The following SRGAP3 variants were observed in gnomAD, a reference collection of about 807,000 sequenced individuals.
SRGAP3 encodes SLIT-ROBO Rho GTPase-activating protein 3.
Under a neutral mutation model 121.1 loss-of-function variants are expected in SRGAP3, and 39 were observed. The observed-to-expected ratio is 0.32, with a 90% confidence interval of 0.25 to 0.42. The LOEUF is 0.42. Among genes scored for constraint, SRGAP3 ranks in the 10% least tolerant of loss-of-function variants. The pLI is 1.00. For missense variants in SRGAP3, 1,213 were observed against 1,470.6 expected, an observed-to-expected ratio of 0.82 and a Z score of 2.86; for synonymous variants, 601 against 570.0, an observed-to-expected ratio of 1.05 and a Z score of -0.77.
At chr3:9,057,076 TG>T (rs1308646879) in intron 7 of SRGAP3, among the ~76,000 whole-genome samples, 6 of 152,180 alleles carry the variant, frequency 3.9e-5, no homozygotes, top group African/African-American at 7.2e-5. Context: ...TTTGTTTGTT[TG>T]TTTTTTGTTG....
chr3:9,131,855 C>T (rs1575120365), intron 1 of SRGAP3, among the ~76,000 whole-genome samples: 1 of 152,146 alleles, frequency 6.6e-6, no homozygotes, highest in Non-Finnish European at 1.5e-5. Flanking sequence ...CCAAACTCCT[C>T]TGACATTCAA....
At chr3:9,199,275 T>C (rs1489660847) in intron 1 of SRGAP3, among the ~76,000 whole-genome samples, 1 of 152,246 alleles carries the variant, frequency 6.6e-6, no homozygotes, top group Non-Finnish European at 1.5e-5. Context: ...AGCTGAAAGT[T>C]CTTCTCACTT....
chr3:9,318,532 G>A (rs1374376748), intron 3 of SRGAP3, among the ~76,000 whole-genome samples: 26 of 151,538 alleles, frequency 1.7e-4, no homozygotes, highest in Admixed American at 1.7e-3. Context: ...ACTTATTTTG[G>A]CCACATGCAG....
At chr3:9,089,682 G>A (rs1239452524) in intron 3 of SRGAP3, among the ~76,000 whole-genome samples, 1 of 152,122 alleles carries the variant, frequency 6.6e-6, no homozygotes, top group Non-Finnish European at 1.5e-5. Context: ...ACCAGACATG[G>A]TCATGTCTTG....
chr3:9,013,696 C>T, intron 16 of SRGAP3, 41 bp downstream of exon 16: 1 of 1,607,206 alleles, frequency 6.2e-7, no homozygotes, highest in Non-Finnish European at 8.5e-7. Context: ...CAAAAGAGGC[C>T]AGGCCTGAGT....
intron 2 of SRGAP3, among the ~76,000 whole-genome samples, chr3:9,108,086 G>A (rs996163175): frequency 6.6e-6 from 1 of 152,074 alleles, no homozygotes; most frequent in Non-Finnish European, 1.5e-5. Flanking sequence ...ATGAGGCTGG[G>A]GATACAGATT....
chr3:9,221,389 C>G, intron 1 of SRGAP3, among the ~76,000 whole-genome samples: 1 of 151,992 alleles, frequency 6.6e-6, no homozygotes, highest in South Asian at 2.1e-4. Flanking sequence ...TAAAAGTTAG[C>G]CAGGCCTGGT....
chr3:9,168,519 C>A (rs1007825596), intron 1 of SRGAP3, among the ~76,000 whole-genome samples: 1 of 152,234 alleles, frequency 6.6e-6, no homozygotes, highest in Non-Finnish European at 1.5e-5. Flanking sequence ...AGAATGAATC[C>A]TTTGTTTCCA....
At chr3:9,213,474 C>G (rs1404419772) in intron 1 of SRGAP3, among the ~76,000 whole-genome samples, 1 of 152,200 alleles carries the variant, frequency 6.6e-6, no homozygotes, top group Non-Finnish European at 1.5e-5. Context: ...AAAGCAGCTC[C>G]CTGAGCTTCA....
At chr3:9,178,491 G>A (rs1255936347) in intron 1 of SRGAP3, among the ~76,000 whole-genome samples, 1 of 152,124 alleles carries the variant, frequency 6.6e-6, no homozygotes, top group Non-Finnish European at 1.5e-5. Context: ...GCCAATAAAT[G>A]CCTGATTCCA....
At chr3:9,047,913 G>A (rs1365459813) in intron 9 of SRGAP3, among the ~76,000 whole-genome samples, 1 of 152,246 alleles carries the variant, frequency 6.6e-6, no homozygotes, top group Non-Finnish European at 1.5e-5. Flanking sequence ...ATCTGTCAGA[G>A]AGGAGCCTCG....
At chr3:9,010,216 T>A (rs1229764150) in intron 18 of SRGAP3, 92 bp downstream of exon 18, 2 of 1,420,318 alleles carry the variant, frequency 1.4e-6, no homozygotes, top group Admixed American at 3.5e-5. Flanking sequence ...GCTGAAGAGG[T>A]CTATGTGGGC....
At chr3:9,157,853 A>T (rs2125069190) in intron 1 of SRGAP3, among the ~76,000 whole-genome samples, 1 of 152,348 alleles carries the variant, frequency 6.6e-6, no homozygotes, top group South Asian at 2.1e-4. Flanking sequence ...ACAACTAATG[A>T]TGTGACACAG....
At chr3:9,315,432 T>C (rs144309795) in intron 3 of SRGAP3, among the ~76,000 whole-genome samples, 2,575 of 152,306 alleles carry the variant, frequency 0.017, 69 homozygotes, top group Non-Finnish European at 0.018. Flanking sequence ...GTGAGGGTCA[T>C]GTCTTCCAGT....
chr3:9,161,043 T>C (rs1041615154), intron 1 of SRGAP3, among the ~76,000 whole-genome samples: 2 of 152,218 alleles, frequency 1.3e-5, no homozygotes, highest in Non-Finnish European at 2.9e-5. Context: ...GAAGGAATGA[T>C]GGAATTATAA....
intron 1 of SRGAP3, among the ~76,000 whole-genome samples, chr3:9,200,036 G>A (rs1320176535): frequency 6.6e-6 from 1 of 152,202 alleles, no homozygotes; most frequent in African/African-American, 2.4e-5. Context: ...CAGGAAAATG[G>A]CATTTAAATG....
intron 14 of SRGAP3, among the ~76,000 whole-genome samples, chr3:9,021,283 T>C (rs989908556): frequency 6.6e-6 from 1 of 152,156 alleles, no homozygotes; most frequent in African/African-American, 2.4e-5. Flanking sequence ...AGGCACCCCC[T>C]CCACATAAGG....
chr3:9,178,007 C>T lies in SRGAP3; in HGVS notation c.68-53090G>A, dbSNP rs77160835. On this transcript the variant is annotated intron_variant, in intron 1 of 21. Coordinates refer to ENST00000383836, the MANE Select transcript of SRGAP3 (RefSeq NM_014850.4). ...CTGGGGCTGGGCGTGGTGGCTCACA[C>T]CTGTAATCCTAGCACTTTGGGAGGC... Among the ~76,000 whole-genome samples, 477 of 152,136 alleles carry T rather than the reference C, an allele frequency of 3.1e-3. 14 individuals carry two copies. In the East Asian group the frequency reaches 0.084, roughly 27 times the overall value.
At chr3:9,177,928 A>C (rs1393854533) in intron 1 of SRGAP3, among the ~76,000 whole-genome samples, 1 of 152,180 alleles carries the variant, frequency 6.6e-6, no homozygotes, top group African/African-American at 2.4e-5. Context: ...CCTCTGCAGG[A>C]ACTACTAGGA....
Sources: gnomAD v4.1 joint callset for allele counts (sites outside exome capture counted in the v4.1 genomes callset) on GRCh38, gnomAD v4.1.1 for gene constraint, MANE v1.5 for transcripts, NCBI Gene and HGNC (gene_info 2026-07-23, HGNC 2026-07-21) for gene names.